The following RBM25 variants were observed in gnomAD, a reference collection of about 807,000 sequenced individuals.
RBM25 encodes RNA-binding protein 25.
A neutral mutation model predicts 120.7 loss-of-function variants in RBM25; 19 were observed. That is an observed-to-expected ratio of 0.16 (90% CI 0.11 to 0.23). RBM25 has a LOEUF of 0.23. RBM25 is among the 10% of genes least tolerant of loss of function. The pLI is 1.00. For synonymous variants in RBM25, 390 were observed against 326.7 expected (o/e 1.19, Z -2.09); for missense variants, 605 against 1,041.5 (o/e 0.58, Z 5.77).
At chr14:73,104,068 C>G (rs919852340) in intron 10 of RBM25, among the ~76,000 whole-genome samples, 4 of 150,646 alleles carry the variant, frequency 2.7e-5, no homozygotes, top group African/African-American at 9.8e-5. Flanking sequence ...CTGTCTGAAG[C>G]CACTTTTTAT....
At chr14:73,103,142 A>AATAC (rs1250473299) in intron 9 of RBM25, 50 bp from the exon 10 acceptor site, 1 of 1,566,400 alleles carries the variant, frequency 6.4e-7, no homozygotes, top group South Asian at 1.2e-5. Flanking sequence ...GAAAAATCTG[A>AATAC]ATACTGGAGC....
intron 1 of RBM25, chr14:73,069,746 T>TAAAAAAAAAAAAAAAAAAAAAAAAA (rs57669015): frequency 6.8e-5 from 3 of 44,160 alleles, no homozygotes; most frequent in East Asian, 1.9e-3. Context: ...CCCTGTTTCT[T>TAAAAAAAAAAAAAAAAAAAAAAAAA]AAAAAAAAAA....
At chr14:73,084,317 A>G (rs1895634327) in intron 5 of RBM25, among the ~76,000 whole-genome samples, 1 of 152,020 alleles carries the variant, frequency 6.6e-6, no homozygotes, top group South Asian at 2.1e-4. Flanking sequence ...CCATCCTCTA[A>G]CCAACTGAGC....
At position 73,097,362 on chromosome 14, in the gene RBM25, G is replaced by A. The variant is rs934176158; in HGVS notation, c.729+262G>A. Among the ~76,000 whole-genome samples, 9 of 151,764 alleles carry A rather than the reference G, an allele frequency of 5.9e-5. No homozygotes were observed. The East Asian group carries it at 9.7e-4, about 16-fold the overall frequency. ...ACTACAGGCATCCGCCACCATGCCC[G>A]GCTAATTTTTTGGTTTTTAGTAGAG... On this transcript the variant is annotated intron_variant, in intron 7 of 18. Coordinates refer to ENST00000261973, the MANE Select transcript of RBM25 (RefSeq NM_021239.3).
chr14:73,061,356 A>G (rs1594891263), intron 1 of RBM25, among the ~76,000 whole-genome samples: 1 of 151,276 alleles, frequency 6.6e-6, no homozygotes, highest in East Asian at 1.9e-4. Context: ...CACTTGGCCA[A>G]TATGCCTTTT....
chr14:73,068,372 C>G (rs556066963), intron 1 of RBM25: 4 of 618,758 alleles, frequency 6.5e-6, no homozygotes, highest in Admixed American at 4.4e-5. Flanking sequence ...AATGGAGAGA[C>G]AATGCTTGTA....
chr14:73,082,682 GT>G (rs1895590534), intron 4 of RBM25, among the ~76,000 whole-genome samples: 1 of 152,148 alleles, frequency 6.6e-6, no homozygotes, highest in Non-Finnish European at 1.5e-5. Flanking sequence ...ACAGAAAGCT[GT>G]TTTTGTTTAT....
chr14:73,075,037 C>A (rs913002389), intron 2 of RBM25, among the ~76,000 whole-genome samples: 1 of 150,324 alleles, frequency 6.7e-6, no homozygotes, highest in Admixed American at 6.7e-5. Context: ...GCTATGTTTC[C>A]TAGGCTAGAG....
At chr14:73,086,401 A>G (rs970659001) in intron 5 of RBM25, among the ~76,000 whole-genome samples, 8 of 151,218 alleles carry the variant, frequency 5.3e-5, no homozygotes, top group African/African-American at 9.7e-5. Flanking sequence ...TTGCACCACT[A>G]CACTCCAGCC....
intron 5 of RBM25, among the ~76,000 whole-genome samples, chr14:73,086,561 T>C (rs116066594): frequency 0.023 from 3,445 of 152,274 alleles, 135 homozygotes; most frequent in African/African-American, 0.076. Context: ...GTATCTCCTT[T>C]TTCCCCACAC....
At chr14:73,076,398 G>T (rs1464878147) in intron 3 of RBM25, 30 bp downstream of exon 3, 1 of 1,571,748 alleles carries the variant, frequency 6.4e-7, no homozygotes, top group South Asian at 1.1e-5. Flanking sequence ...GGAATCATGA[G>T]TTATGGTAGT....
rs565148260 is a variant in RBM25, at chr14:73,062,923, C to T, written c.-16+4218C>T. Among the ~76,000 whole-genome samples the T allele has an allele frequency of 8.6e-5, 13 of 150,590 alleles. 2 individuals are homozygous for T. The highest frequency in any genetic ancestry group is 1.9e-4 in the Non-Finnish European group (13 of 67,218). On this transcript the variant is annotated intron_variant, in intron 1 of 18. Transcript: ENST00000261973. ...GCAACCTCCACCTCCCGGGCTCAAG[C>T]GATTCTCCCATCTCAGCCTCCTGAG...
intron 17 of RBM25, among the ~76,000 whole-genome samples, chr14:73,112,810 G>GT (rs1453669483): frequency 3.3e-5 from 5 of 151,644 alleles, no homozygotes; most frequent in African/African-American, 4.8e-5. Flanking sequence ...TTTTGTTTTT[G>GT]TTTTTTCTTT....
intron 18 of RBM25, among the ~76,000 whole-genome samples, chr14:73,117,210 C>CTTTTTTTTTTTTTTTATTT (rs1896451323): frequency 2.0e-5 from 1 of 49,424 alleles, no homozygotes; most frequent in Non-Finnish European, 3.7e-5. Context: ...TTCTTCTTTT[C>CTTTTTTTTTTTTTTTATTT]TTTTTTTTTT....
intron 2 of RBM25, among the ~76,000 whole-genome samples, chr14:73,074,357 C>T (rs1230766750): frequency 6.6e-6 from 1 of 152,074 alleles, no homozygotes; most frequent in Non-Finnish European, 1.5e-5. Context: ...GTAGCTGAGA[C>T]TATAGATGTG....
At chr14:73,116,288 T>G (rs1364445416) in intron 18 of RBM25, among the ~76,000 whole-genome samples, 3 of 152,034 alleles carry the variant, frequency 2.0e-5, no homozygotes, top group African/African-American at 7.2e-5. Flanking sequence ...AATGGGAAGA[T>G]GAGTAAGGAA....
chr14:73,103,994 ACTCTCT>A (rs1209592511), intron 10 of RBM25, among the ~76,000 whole-genome samples: 8 of 99,374 alleles, frequency 8.1e-5, no homozygotes, highest in Non-Finnish European at 5.9e-5. Flanking sequence ...ACACACACAC[ACTCTCT>A]CTCTCTCTCT....
At chr14:73,064,944 TAG>T (rs1469782708) in intron 1 of RBM25, 1 of 150,672 alleles carries the variant, frequency 6.6e-6, no homozygotes, top group Non-Finnish European at 1.5e-5. Context: ...ACCAAGAATA[TAG>T]AGTTTTACTT....
intron 6 of RBM25, among the ~76,000 whole-genome samples, chr14:73,090,268 C>G (rs917351945): frequency 6.6e-6 from 1 of 152,130 alleles, no homozygotes; most frequent in Non-Finnish European, 1.5e-5. Flanking sequence ...CCAGGCTGGT[C>G]TTGAGCTCCT....
Sources: allele counts gnomAD v4.1 joint callset (sites outside exome capture counted in the v4.1 genomes callset), GRCh38; gene constraint gnomAD v4.1.1; transcripts MANE v1.5; gene names NCBI Gene and HGNC (gene_info 2026-07-23, HGNC 2026-07-21).